Variants in DCLK1 observed in about 807,000 individuals in gnomAD.
The protein encoded by DCLK1 is serine/threonine-protein kinase DCLK1.
Under a neutral mutation model 86.2 loss-of-function variants are expected in DCLK1, and 16 were observed. That is an observed-to-expected ratio of 0.19 (90% CI 0.13 to 0.28). The LOEUF (loss-of-function observed/expected upper bound fraction) is 0.28, where lower values mean the gene tolerates loss of function less well. Among genes scored for constraint, DCLK1 ranks in the 10% least tolerant of loss-of-function variants. The pLI, the probability that DCLK1 is intolerant of heterozygous loss-of-function variation, is 1.00. For synonymous variants in DCLK1, 369 were observed against 370.5 expected (o/e 1.00, Z 0.05); for missense variants, 590 against 940.2 (o/e 0.63, Z 4.87).
chr13:35,923,335 G>A (rs1281251164), intron 4 of DCLK1, among the ~76,000 whole-genome samples: 5 of 152,038 alleles, frequency 3.3e-5, no homozygotes, highest in South Asian at 2.1e-4. Flanking sequence ...CTTCCAACCC[G>A]GCTCTGGAGC....
chr13:36,107,493 T>G (rs978709907), intron 3 of DCLK1, among the ~76,000 whole-genome samples: 3 of 152,106 alleles, frequency 2.0e-5, no homozygotes, highest in South Asian at 2.1e-4. Context: ...CATCTCTGGG[T>G]TTTTTTCTCT....
intron 6 of DCLK1, chr13:35,847,202 A>G: frequency 4.1e-6 from 4 of 983,102 alleles, no homozygotes; most frequent in Non-Finnish European, 4.8e-6. Context: ...GCTGAATTTC[A>G]ATTTTTTTAT....
At chr13:36,121,453 T>G (rs1885989470) in intron 2 of DCLK1, among the ~76,000 whole-genome samples, 1 of 152,184 alleles carries the variant, frequency 6.6e-6, no homozygotes, top group South Asian at 2.1e-4. Flanking sequence ...TCTTGCTTCT[T>G]CCATCTCTAT....
At chr13:35,857,462 A>G (rs1361771411) in intron 5 of DCLK1, among the ~76,000 whole-genome samples, 1 of 152,044 alleles carries the variant, frequency 6.6e-6, no homozygotes, top group Non-Finnish European at 1.5e-5. Context: ...GGGTTTCTCT[A>G]GCAATAATCA....
chr13:36,044,200 C>T (rs1445316917), intron 3 of DCLK1, among the ~76,000 whole-genome samples: 2 of 152,202 alleles, frequency 1.3e-5, no homozygotes, highest in African/African-American at 2.4e-5. Context: ...AGAGTGGAAA[C>T]TTCTTGTGGC....
chr13:35,871,765 C>T (rs890075625), intron 4 of DCLK1, among the ~76,000 whole-genome samples: 16 of 152,238 alleles, frequency 1.1e-4, no homozygotes, highest in African/African-American at 2.9e-4. Flanking sequence ...TGGAAGATTC[C>T]GCCCACCACA....
chr13:35,855,129 G>A (rs1023899716), intron 5 of DCLK1, among the ~76,000 whole-genome samples: 3 of 152,194 alleles, frequency 2.0e-5, no homozygotes, highest in African/African-American at 7.2e-5. Context: ...CCTTGAACAG[G>A]ACAGTCATTG....
chr13:35,947,556 T>G, intron 3 of DCLK1, 99 bp from the exon 4 acceptor site: 1 of 904,000 alleles, frequency 1.1e-6, no homozygotes, highest in Non-Finnish European at 1.7e-6. Flanking sequence ...CCTTCCCACC[T>G]AATGGAATCA....
chr13:35,917,323 T>C (rs1356349377), intron 4 of DCLK1, among the ~76,000 whole-genome samples: 1 of 152,224 alleles, frequency 6.6e-6, no homozygotes, highest in Non-Finnish European at 1.5e-5. Context: ...TTTCCTCCCC[T>C]ATAATTGCAT....
intron 3 of DCLK1, among the ~76,000 whole-genome samples, chr13:35,958,250 CACTACCACT>C (rs1593768718): frequency 3.7e-5 from 4 of 108,362 alleles, no homozygotes; most frequent in East Asian, 6.1e-4. Flanking sequence ...TCACCACCAC[CACTACCACT>C]ACTATAACCA....
At position 36,126,164 on chromosome 13, in the gene DCLK1, C is replaced by T; in HGVS notation, c.-19-8G>A. On this transcript the variant is annotated splice_region_variant and splice_polypyrimidine_tract_variant and intron_variant, in intron 1 of 16. Coordinates refer to ENST00000360631, the MANE Select transcript of DCLK1 (RefSeq NM_001330071.2). ...ATGGACTTCAAGTAGGACCTACGAG[C>T]CCCAGAAACAAAAGCAGACACACAT... The T allele has an allele frequency of 6.5e-7, 1 of 1,539,886 alleles. No individual in the cohort carries two copies. The highest frequency in any genetic ancestry group is 8.7e-7 in the Non-Finnish European group (1 of 1,149,674).
intron 6 of DCLK1, among the ~76,000 whole-genome samples, chr13:35,853,035 T>C (rs548706234): frequency 7.3e-4 from 111 of 152,300 alleles, no homozygotes; most frequent in African/African-American, 2.5e-3. Flanking sequence ...TCCCTATAGA[T>C]TGACGCCTCA....
chr13:35,998,382 C>A (rs1880565546), intron 3 of DCLK1, among the ~76,000 whole-genome samples: 1 of 152,250 alleles, frequency 6.6e-6, no homozygotes, highest in Middle Eastern at 3.4e-3. Context: ...ATATCTCCTG[C>A]GAATGCAGAA....
intron 4 of DCLK1, among the ~76,000 whole-genome samples, chr13:35,891,967 G>A (rs1441974368): frequency 6.6e-5 from 10 of 151,880 alleles, no homozygotes; most frequent in East Asian, 5.8e-4. Flanking sequence ...TAATCTTACC[G>A]CAATGCAGAT....
At chr13:35,820,823 A>G (rs2087376366) in intron 11 of DCLK1, among the ~76,000 whole-genome samples, 1 of 152,344 alleles carries the variant, frequency 6.6e-6, no homozygotes, top group East Asian at 1.9e-4. Context: ...GGTGCAATTA[A>G]GTCAGGGCTC....
intron 2 of DCLK1, among the ~76,000 whole-genome samples, chr13:36,115,758 A>C (rs537203056): frequency 6.6e-6 from 1 of 151,658 alleles, no homozygotes; most frequent in African/African-American, 2.4e-5. Flanking sequence ...AAAGTAAGGA[A>C]ATAAGCATGA....
chr13:35,902,705 G>A (rs974605891), intron 4 of DCLK1, among the ~76,000 whole-genome samples: 2 of 152,070 alleles, frequency 1.3e-5, no homozygotes, highest in Admixed American at 6.5e-5. Context: ...GGCGGTGGGG[G>A]GTGCTGTGAC....
intron 4 of DCLK1, among the ~76,000 whole-genome samples, chr13:35,911,647 A>T (rs534496956): frequency 6.6e-6 from 1 of 152,194 alleles, no homozygotes; most frequent in Non-Finnish European, 1.5e-5. Context: ...CAATTTCTCA[A>T]TTTAAGCTGC....
chr13:35,873,910 T>G (rs779152734), intron 4 of DCLK1, among the ~76,000 whole-genome samples: 2 of 152,226 alleles, frequency 1.3e-5, no homozygotes, highest in Non-Finnish European at 2.9e-5. Flanking sequence ...TCCTACTTTC[T>G]CTTATTGGTT....
Sources: gnomAD v4.1 joint callset for allele counts (sites outside exome capture counted in the v4.1 genomes callset) on GRCh38, gnomAD v4.1.1 for gene constraint, MANE v1.5 for transcripts, NCBI Gene and HGNC (gene_info 2026-07-23, HGNC 2026-07-21) for gene names.